Variants in LIMK2 observed in about 807,000 individuals in gnomAD.
The protein encoded by LIMK2 is LIM domain kinase 2.
In LIMK2, 35 loss-of-function variants were observed where a neutral mutation model predicts 75.7. The ratio of observed to expected loss-of-function variants is 0.46; its 90% confidence interval spans 0.35 to 0.61. LIMK2 has a LOEUF of 0.61. LIMK2 is among the 20% of genes least tolerant of loss of function. The pLI is 0.00. For synonymous variants in LIMK2, 301 were observed against 319.2 expected, an observed-to-expected ratio of 0.94 and a Z score of 0.61; for missense variants, 623 against 831.0, an observed-to-expected ratio of 0.75 and a Z score of 3.08.
At chr22:31,222,465 C>T (rs2048443912) in intron 1 of LIMK2, among the ~76,000 whole-genome samples, 1 of 147,932 alleles carries the variant, frequency 6.8e-6, no homozygotes, top group Non-Finnish European at 1.5e-5. Context: ...ACCTCCACCT[C>T]CTGGGTTCAA....
chr22:31,215,316 C>A (rs189168672), intron 1 of LIMK2, among the ~76,000 whole-genome samples: 7 of 152,204 alleles, frequency 4.6e-5, no homozygotes, highest in Admixed American at 1.3e-4. Context: ...TTCTGAGACA[C>A]CTCAGATTCC....
chr22:31,235,293 G>T (rs2048563564), intron 2 of LIMK2, among the ~76,000 whole-genome samples: 1 of 152,150 alleles, frequency 6.6e-6, no homozygotes, highest in Non-Finnish European at 1.5e-5. Context: ...TCCTATAGCA[G>T]CCACCGTGGC....
In LIMK2 at chr22:31,233,052, C is replaced by T. The variant is rs144442610; in HGVS notation, c.116+7233C>T. 3.1e-3 allele frequency among the ~76,000 whole-genome samples: 470 copies of T among 152,272 alleles called. 1 individual carries two copies. The highest frequency in any genetic ancestry group is 3.8e-3 in the Non-Finnish European group (256 of 68,024). On this transcript the variant is annotated intron_variant, in intron 2 of 15. Transcript: ENST00000331728. Reference sequence around the variant, plus strand: ...ATAACAGCTTCATCAGTCTGTCTACCGACCACTCTTCAGGCTTCATCTTAT... The same window carrying T: ...ATAACAGCTTCATCAGTCTGTCTACTGACCACTCTTCAGGCTTCATCTTAT...
intron 13 of LIMK2, 100 bp from the exon 14 acceptor site, chr22:31,273,352 C>A: frequency 9.3e-7 from 1 of 1,081,046 alleles, no homozygotes; most frequent in Non-Finnish European, 1.4e-6. Flanking sequence ...AGAACCTGTT[C>A]TAGCCCTAGT....
intron 15 of LIMK2, chr22:31,276,920 T>C: frequency 6.2e-7 from 1 of 1,613,470 alleles, no homozygotes; most frequent in Non-Finnish European, 8.5e-7. Flanking sequence ...GAGGAGTGGA[T>C]CCTGGAGCAG....
chr22:31,269,787 A>G lies in LIMK2; in HGVS notation c.1318-1349A>G, dbSNP rs76920237. The stretch of plus-strand genomic sequence containing the variant: ...AGACTTCATCTCAAAAAAAAAAAAA[A>G]AGAGAGACTGATATGGTTAGTACAT... On this transcript the variant is annotated intron_variant, in intron 11 of 15. Transcript: ENST00000331728. 2.4e-4 allele frequency among the ~76,000 whole-genome samples: 37 copies of G among 151,848 alleles called. 1 individual carries two copies. The highest frequency in any genetic ancestry group is 1.0e-3 in the South Asian group (5 of 4,810).
chr22:31,235,677 A>G (rs540448258), intron 2 of LIMK2, among the ~76,000 whole-genome samples: 1 of 152,354 alleles, frequency 6.6e-6, no homozygotes, highest in African/African-American at 2.4e-5. Context: ...TAAATTGTAT[A>G]TTTGAAAGAT....
intron 1 of LIMK2, among the ~76,000 whole-genome samples, chr22:31,219,505 T>A (rs969993775): frequency 6.6e-6 from 1 of 152,196 alleles, no homozygotes; most frequent in African/African-American, 2.4e-5. Flanking sequence ...TAAGGGTCCT[T>A]TATTGTTTGA....
At chr22:31,229,724 A>C (rs533810790) in intron 2 of LIMK2, among the ~76,000 whole-genome samples, 1 of 152,200 alleles carries the variant, frequency 6.6e-6, no homozygotes, top group Admixed American at 6.5e-5. Flanking sequence ...GCTGGGGTCC[A>C]TCCTAAACTC....
intron 14 of LIMK2, among the ~76,000 whole-genome samples, chr22:31,274,790 A>T (rs1487818995): frequency 2.6e-5 from 4 of 152,194 alleles, no homozygotes; most frequent in Non-Finnish European, 4.4e-5. Context: ...AGAGGGTTTC[A>T]GACATGAATC....
chr22:31,255,828 T>C (rs2048772487), intron 2 of LIMK2, among the ~76,000 whole-genome samples: 2 of 152,066 alleles, frequency 1.3e-5, no homozygotes, highest in Non-Finnish European at 2.9e-5. Flanking sequence ...TTTGTAGTAA[T>C]AGGATGCTAT....
intron 1 of LIMK2, 117 bp downstream of exon 1, chr22:31,212,541 C>A: frequency 9.5e-7 from 1 of 1,050,616 alleles, no homozygotes; most frequent in Non-Finnish European, 1.2e-6. Context: ...CTCGTGGGTC[C>A]GAGCTCCTCA....
intron 11 of LIMK2, among the ~76,000 whole-genome samples, chr22:31,269,308 G>C (rs1287521927): frequency 5.0e-5 from 2 of 39,634 alleles, no homozygotes; most frequent in African/African-American, 1.1e-4. Context: ...TTTTTTTTTT[G>C]GTAGAGACAG....
chr22:31,262,691 C>T lies in LIMK2; in HGVS notation c.754C>T (p.Arg252Trp), dbSNP rs201919044. ...QRLDQLRLEA[R>W]LAPHMQNAGH... ...CCTGGACCAGCTGCGGCTGGAGGCC[C>T]GGCTCGCTCCTCACATGCAGAATGC... is the stretch of plus-strand genomic sequence containing the variant. Residue 252 changes from arginine (R) to tryptophan (W), a missense_variant, in exon 7 of 16, where the codon CGG becomes TGG. By Grantham distance (101) the Arg-to-Trp change is moderately radical. This residue lies in a region of LIMK2 where 514 missense variants were observed against 661.3 expected (regional missense o/e 0.78). Coordinates refer to ENST00000331728, the MANE Select transcript of LIMK2 (RefSeq NM_005569.4). The surrounding 1 kb of genome is among the most constrained non-coding windows in gnomAD (Gnocchi z 5.0). 44 of 1,614,060 alleles carry T rather than the reference C, an allele frequency of 2.7e-5. No homozygotes were observed. The highest frequency in any genetic ancestry group is 1.6e-4 in the Middle Eastern group (1 of 6,084).
chr22:31,237,685 GTTTGTTC>G (rs960821872), intron 2 of LIMK2, among the ~76,000 whole-genome samples: 11 of 152,128 alleles, frequency 7.2e-5, no homozygotes, highest in African/African-American at 2.4e-4. Flanking sequence ...ACTCATGAAT[GTTTGTTC>G]TTTGTTATTA....
At position 31,266,127 on chromosome 22, in the gene LIMK2, A is replaced by C. The variant is rs201466946; in HGVS notation, c.1036A>C (p.Ile346Leu). Reference sequence around the variant, plus strand: ...GGGGAAGGGCTTCTTTGGGCAGGCTATCAAGGTGAGCGCAGGCAACAATTG... The same window carrying C: ...GGGGAAGGGCTTCTTTGGGCAGGCTCTCAAGGTGAGCGCAGGCAACAATTG... ...VLGKGFFGQA[I>L]KVTHKATGKV... Residue 346 changes from isoleucine to leucine, a missense_variant, in exon 8 of 16, where the codon ATC becomes CTC. Physicochemically the swap from Ile to Leu is conservative, Grantham distance 5 (BLOSUM62 2). Around this residue, in one of 3 missense-constraint regions of LIMK2, gnomAD observed 514 missense variants for 661.3 expected, o/e 0.78. Transcript: ENST00000331728. 3.7e-6 allele frequency: 6 copies of C among 1,614,118 alleles called. No individual in the cohort carries two copies. The highest frequency in any genetic ancestry group is 5.1e-6 in the Non-Finnish European group (6 of 1,179,988).
At chr22:31,221,807 T>G (rs2048437040) in intron 1 of LIMK2, among the ~76,000 whole-genome samples, 2 of 152,092 alleles carry the variant, frequency 1.3e-5, no homozygotes, top group South Asian at 4.1e-4. Flanking sequence ...ATATTATTGT[T>G]TAATATTTGC....
At chr22:31,258,980 C>T (rs1555887100) in intron 3 of LIMK2, 141 bp from the exon 4 acceptor site, 2 of 609,436 alleles carry the variant, frequency 3.3e-6, no homozygotes, top group Non-Finnish European at 3.0e-6. Flanking sequence ...CCTTTGGAAG[C>T]TCTAGGGCAG....
chr22:31,276,051 C>T (rs1347256795), intron 15 of LIMK2, among the ~76,000 whole-genome samples: 1 of 152,130 alleles, frequency 6.6e-6, no homozygotes, highest in Admixed American at 6.5e-5. Flanking sequence ...GCCTGGCCAA[C>T]ATGGTGAAAC....
Sources: gnomAD v4.1 joint callset for allele counts (sites outside exome capture counted in the v4.1 genomes callset) on GRCh38, gnomAD v4.1.1 for gene constraint, gnomAD v4.1.1 regional missense constraint, Gnocchi (gnomAD v3.1) non-coding constraint, MANE v1.5 for transcripts, NCBI Gene and HGNC (gene_info 2026-07-23, HGNC 2026-07-21) for gene names.